Variants in ELP4 observed in about 807,000 individuals in gnomAD.
ELP4 encodes elongator complex protein 4.
Under a neutral mutation model 48.9 loss-of-function variants are expected in ELP4, and 51 were observed. The observed-to-expected ratio is 1.04, with a 90% confidence interval of 0.83 to 1.32. ELP4 has a LOEUF of 1.32. ELP4 is among the 40% of genes most tolerant of loss of function. The pLI, the probability that ELP4 is intolerant of heterozygous loss-of-function variation, is 0.00. For synonymous variants in ELP4, 210 were observed against 189.2 expected (o/e 1.11, Z -0.90); for missense variants, 519 against 514.6 (o/e 1.01, Z -0.08).
At chr11:31,708,097 T>C (rs1336512972) in intron 9 of ELP4, among the ~76,000 whole-genome samples, 1 of 152,178 alleles carries the variant, frequency 6.6e-6, no homozygotes. Flanking sequence ...AATATCATCG[T>C]TCTCTTCTAC....
At chr11:31,678,127 C>T (rs1229197696) in intron 9 of ELP4, among the ~76,000 whole-genome samples, 2 of 152,012 alleles carry the variant, frequency 1.3e-5, no homozygotes, top group Admixed American at 6.6e-5. Context: ...TTGTAGCTTC[C>T]TCATATTGGC....
At chr11:31,771,976 C>T (rs149192789) in intron 9 of ELP4, among the ~76,000 whole-genome samples, 23 of 151,608 alleles carry the variant, frequency 1.5e-4, no homozygotes, top group Admixed American at 3.9e-4. Flanking sequence ...AGCGAGACTC[C>T]GTCTCTAAAA....
chr11:31,519,857 G>A (rs1286819941), intron 1 of ELP4, among the ~76,000 whole-genome samples, 199 bp from the exon 2 acceptor site: 7 of 151,532 alleles, frequency 4.6e-5, no homozygotes, highest in African/African-American at 7.3e-5. Context: ...TAATTGTAAT[G>A]TGTAGTATGT....
At chr11:31,632,462 T>A in intron 7 of ELP4, 57 bp downstream of exon 7, 1 of 1,400,000 alleles carries the variant, frequency 7.1e-7, no homozygotes, top group Non-Finnish European at 9.6e-7. Context: ...TATGACATTG[T>A]GGTTTTAGTT....
chr11:31,564,793 G>T (rs1313160347), intron 3 of ELP4, among the ~76,000 whole-genome samples: 1 of 152,138 alleles, frequency 6.6e-6, no homozygotes, highest in African/African-American at 2.4e-5. Context: ...GGACATTTGG[G>T]TTGGTTCCAA....
intron 3 of ELP4, among the ~76,000 whole-genome samples, chr11:31,559,667 G>A (rs542511972): frequency 6.6e-6 from 1 of 152,238 alleles, no homozygotes; most frequent in Admixed American, 6.5e-5. Flanking sequence ...ACTTTGGGAG[G>A]CTGAGGCGGG....
chr11:31,715,859 C>T (rs761420198), intron 9 of ELP4, among the ~76,000 whole-genome samples: 11 of 152,076 alleles, frequency 7.2e-5, no homozygotes, highest in Admixed American at 2.6e-4. Flanking sequence ...ACTCAATAGA[C>T]GGTAACTGCT....
intron 1 of ELP4, chr11:31,510,598 T>C: frequency 5.1e-6 from 2 of 391,366 alleles, no homozygotes; most frequent in Non-Finnish European, 9.0e-6. Flanking sequence ...TTAGATAGTG[T>C]CTGCGTTAAA....
chr11:31,534,570 A>G (rs1206335299), intron 2 of ELP4, among the ~76,000 whole-genome samples: 1 of 152,200 alleles, frequency 6.6e-6, no homozygotes, highest in Non-Finnish European at 1.5e-5. Flanking sequence ...CTACAAGACT[A>G]TAAAGCATGT....
chr11:31,624,755 GTTTC>G (rs1343446573), intron 5 of ELP4, among the ~76,000 whole-genome samples: 11 of 151,522 alleles, frequency 7.3e-5, no homozygotes, highest in Admixed American at 4.0e-4. Flanking sequence ...CTAAAATATT[GTTTC>G]TTTATATTCT....
intron 3 of ELP4, among the ~76,000 whole-genome samples, chr11:31,545,812 A>G (rs1956698134): frequency 6.6e-6 from 1 of 152,204 alleles, no homozygotes; most frequent in Non-Finnish European, 1.5e-5. Context: ...AAGCCAGAAG[A>G]GAGTGGGGGC....
intron 9 of ELP4, among the ~76,000 whole-genome samples, chr11:31,726,274 C>T (rs1203466234): frequency 6.6e-6 from 1 of 152,010 alleles, no homozygotes; most frequent in Non-Finnish European, 1.5e-5. Flanking sequence ...GGCTTTTCAG[C>T]AGAGTGACCT....
rs1254744387 is a variant in ELP4, at chr11:31,561,147, A to G, written c.381+21364A>G. 1.3e-4 allele frequency among the ~76,000 whole-genome samples: 20 copies of G among 152,278 alleles called. No individual in the cohort carries two copies. The East Asian group carries it at 3.9e-3, about 29-fold the overall frequency. The stretch of plus-strand genomic sequence containing the variant: ...CACACACTGAAGTTTACATGCTTTT[A>G]TCAGTGGTAGTTACCTAATTAGTAG... On this transcript the variant is annotated intron_variant, in intron 3 of 9. Coordinates refer to ENST00000640961, the MANE Select transcript of ELP4 (RefSeq NM_019040.5).
Position 31,509,831 on chromosome 11 carries a change from C to A in ELP4, c.47C>A (p.Ser16Tyr). 1 of 1,614,152 alleles carries A rather than the reference C, an allele frequency of 6.2e-7. No individual in the cohort carries two copies. Among genetic ancestry groups the A allele is most frequent in the East Asian group, 2.2e-5 (1 of 44,876 alleles). Reference sequence around the variant, plus strand: ...GGTAGTGTTGCCGCGAGTACTGGGTCTGCAGTGGCGACAGCCAGCAAGAGC... The same window carrying A: ...GGTAGTGTTGCCGCGAGTACTGGGTATGCAGTGGCGACAGCCAGCAAGAGC... Reference protein sequence around the residue: ...TCGSVAASTGSAVATASKSNV... With the variant: ...TCGSVAASTGYAVATASKSNV... The change falls in exon 1 of 10, where the codon TCT becomes TAT. Residue 16 changes from serine (S) to tyrosine (Y), a missense_variant. By Grantham distance (144) the Ser-to-Tyr change is moderately radical. Coordinates refer to ENST00000640961, the MANE Select transcript of ELP4 (RefSeq NM_019040.5).
intron 3 of ELP4, among the ~76,000 whole-genome samples, chr11:31,579,478 A>G: frequency 6.6e-6 from 1 of 152,158 alleles, no homozygotes; most frequent in Non-Finnish European, 1.5e-5. Flanking sequence ...ATAAAGACAC[A>G]TGCACACATA....
intron 9 of ELP4, among the ~76,000 whole-genome samples, chr11:31,764,565 G>T (rs942139380): frequency 1.3e-5 from 2 of 152,266 alleles, no homozygotes; most frequent in East Asian, 3.9e-4. Flanking sequence ...CATCAAGGCC[G>T]CACAGTTGTT....
At chr11:31,726,058 G>A (rs1947070317) in intron 9 of ELP4, among the ~76,000 whole-genome samples, 1 of 152,204 alleles carries the variant, frequency 6.6e-6, no homozygotes, top group South Asian at 2.1e-4. Context: ...TTGGCAAAAT[G>A]AATAGGATTG....
chr11:31,601,120 A>G (rs1957772324), intron 4 of ELP4, among the ~76,000 whole-genome samples: 2 of 152,246 alleles, frequency 1.3e-5, no homozygotes, highest in Admixed American at 1.3e-4. Flanking sequence ...GTCAATTTTT[A>G]TTGAGTTGAT....
chr11:31,651,824 T>G (rs1945325595), intron 9 of ELP4: 1 of 151,738 alleles, frequency 6.6e-6, no homozygotes. Context: ...AAAGTAAATA[T>G]TGTACCCAGA....
Sources: gnomAD v4.1 joint callset for allele counts (sites outside exome capture counted in the v4.1 genomes callset) on GRCh38, gnomAD v4.1.1 for gene constraint, MANE v1.5 for transcripts, NCBI Gene and HGNC (gene_info 2026-07-23, HGNC 2026-07-21) for gene names.